Variants in PLEKHG4B observed in about 807,000 individuals in gnomAD.
The protein encoded by PLEKHG4B is pleckstrin homology and RhoGEF domain containing G4B, also known as pleckstrin homology domain-containing family G member 4B.
PLEKHG4B carries 111 observed loss-of-function variants against 121.3 expected under a neutral mutation model. The ratio of observed to expected loss-of-function variants is 0.92; its 90% confidence interval spans 0.78 to 1.07. The LOEUF (loss-of-function observed/expected upper bound fraction) is 1.07, where lower values mean the gene tolerates loss of function less well. Ranked by LOEUF, PLEKHG4B falls within the 50% of genes least tolerant of loss-of-function variation. The pLI is 0.00. For missense variants in PLEKHG4B, 1,831 were observed against 1,757.8 expected, an observed-to-expected ratio of 1.04 and a Z score of -0.74; for synonymous variants, 738 against 725.0, an observed-to-expected ratio of 1.02 and a Z score of -0.29.
At chr5:131,418 T>G (rs1455427077) in intron 2 of PLEKHG4B, among the ~76,000 whole-genome samples, 1 of 152,224 alleles carries the variant, frequency 6.6e-6, no homozygotes, top group Non-Finnish European at 1.5e-5. Context: ...GCTTCATCCA[T>G]ATCCCTGCAA....
rs35724214 is a variant in PLEKHG4B, at chr5:98,603, T to TTGTGTGTG, written c.45+6363_45+6370dup. 6.6e-3 allele frequency among the ~76,000 whole-genome samples: 737 copies of TTGTGTGTG among 111,576 alleles called. 12 individuals carry two copies. Among genetic ancestry groups the TTGTGTGTG allele is most frequent in the African/African-American group, 0.021 (541 of 25,926 alleles). 73.2% of individuals were successfully genotyped at this position (111,576 alleles called of 152,430 possible). A position where few individuals can be genotyped will look rare whatever the true frequency, so the allele number is the denominator to read the frequency against. On this transcript the variant is annotated intron_variant, in intron 1 of 19. Coordinates refer to ENST00000637938, the MANE Select transcript of PLEKHG4B (RefSeq NM_052909.5). ...GCATGTGCCACCATGCCTGGCTAAT[T>TTGTGTGTG]TGTGTGTGTGTGTGTGTGTGTGTGT...
At chr5:133,637 G>T (rs1034335065) in intron 2 of PLEKHG4B, among the ~76,000 whole-genome samples, 3 of 152,092 alleles carry the variant, frequency 2.0e-5, no homozygotes, top group African/African-American at 7.2e-5. Context: ...AATAATAGAT[G>T]TTGGCATGGA....
chr5:155,123 C>A, intron 8 of PLEKHG4B, 132 bp downstream of exon 8: 2 of 908,914 alleles, frequency 2.2e-6, no homozygotes, highest in Non-Finnish European at 3.5e-6. Flanking sequence ...CCGTTCAGGT[C>A]TTCGTGTCTA....
intron 1 of PLEKHG4B, among the ~76,000 whole-genome samples, chr5:112,800 G>A (rs1189128340): frequency 6.6e-6 from 1 of 152,204 alleles, no homozygotes; most frequent in Non-Finnish European, 1.5e-5. Context: ...CCCACAAGTG[G>A]TTGTCCCCTC....
At chr5:101,394 T>A (rs1354713258) in intron 1 of PLEKHG4B, among the ~76,000 whole-genome samples, 1 of 122,094 alleles carries the variant, frequency 8.2e-6, no homozygotes, top group Non-Finnish European at 1.6e-5. Flanking sequence ...TATAAAGCCC[T>A]GGAAAAAGCC....
At position 147,977 on chromosome 5, in the gene PLEKHG4B, C is replaced by T. The variant is rs374697867; in HGVS notation, c.1905+3057C>T. Among the ~76,000 whole-genome samples the T allele has an allele frequency of 6.1e-4, 93 of 152,092 alleles. No homozygotes were observed. In the East Asian group the frequency reaches 9.7e-3, roughly 16 times the overall value. On this transcript the variant is annotated intron_variant, in intron 6 of 19. Transcript: ENST00000637938. ...TGTAAACAGAATGAAGGGGGAAAAACACATGATCATCTCAATTGATGCCAA... is the reference window on the plus strand; with the variant it reads ...TGTAAACAGAATGAAGGGGGAAAAATACATGATCATCTCAATTGATGCCAA...
At chr5:160,847 C>T (rs1396397142) in intron 11 of PLEKHG4B, among the ~76,000 whole-genome samples, 1 of 152,232 alleles carries the variant, frequency 6.6e-6, no homozygotes, top group Non-Finnish European at 1.5e-5. Context: ...GCCGAAGCCG[C>T]ACCTGCCCCT....
At position 156,701 on chromosome 5, in the gene PLEKHG4B, A is replaced by T; in HGVS notation, c.2349-72A>T. 2.0e-6 allele frequency: 3 copies of T among 1,486,630 alleles called. No homozygotes were observed. Among genetic ancestry groups the T allele is most frequent in the Non-Finnish European group, 2.7e-6 (3 of 1,112,456 alleles). 92.1% of individuals were successfully genotyped at this position (1,486,630 alleles called of 1,614,324 possible). ...GGAATGGAAAGAGCAGGGTTTTTAT[A>T]TGGGGTTGTCACCAAGAGCAGATTC... On this transcript the variant is annotated intron_variant, in intron 10 of 19. Transcript: ENST00000637938. This position sits in a 1 kb window ranked among gnomAD's most constrained non-coding sequence, Gnocchi z 4.4.
chr5:170,653 C>T (rs943511938), intron 14 of PLEKHG4B, among the ~76,000 whole-genome samples: 1 of 152,094 alleles, frequency 6.6e-6, no homozygotes, highest in Non-Finnish European at 1.5e-5. Flanking sequence ...TCATATTGAC[C>T]GTGATTGTGG....
intron 1 of PLEKHG4B, among the ~76,000 whole-genome samples, chr5:112,176 G>A (rs1238309238): frequency 6.6e-6 from 1 of 152,186 alleles, no homozygotes; most frequent in Non-Finnish European, 1.5e-5. Flanking sequence ...GGCAGGGCCG[G>A]CAGGAGGCTC....
chr5:116,332 T>A (rs1266503796), intron 2 of PLEKHG4B, among the ~76,000 whole-genome samples: 3 of 152,160 alleles, frequency 2.0e-5, no homozygotes, highest in Non-Finnish European at 4.4e-5. Context: ...AATAGTAACA[T>A]CAAAGGACTC....
chr5:93,763 C>T (rs963529069), intron 1 of PLEKHG4B, among the ~76,000 whole-genome samples: 27 of 152,208 alleles, frequency 1.8e-4, no homozygotes, highest in African/African-American at 2.6e-4. Flanking sequence ...TCAAGCTGGC[C>T]GGTGGTCTCA....
chr5:179,644 C>T (rs6894246), intron 18 of PLEKHG4B: 64,218 of 152,542 alleles, frequency 0.42, 15,153 homozygotes, highest in Non-Finnish European at 0.55. Flanking sequence ...TATGCTCTGA[C>T]GGCCAAGCGT....
chr5:153,856 T>G (rs191747886), intron 7 of PLEKHG4B, among the ~76,000 whole-genome samples: 10 of 152,112 alleles, frequency 6.6e-5, no homozygotes, highest in African/African-American at 1.9e-4. Context: ...TCCACTAATT[T>G]TTGTATTTTG....
In PLEKHG4B at chr5:185,313, C is replaced by T. The variant is rs1278056580; in HGVS notation, c.*2990C>T. 1.3e-5 allele frequency: 2 copies of T among 152,236 alleles called. No individual in the cohort carries two copies. The highest frequency in any genetic ancestry group is 4.8e-5 in the African/African-American group (2 of 41,450). 9.4% of individuals were successfully genotyped at this position (152,236 alleles called of 1,614,324 possible). A position where few individuals can be genotyped will look rare whatever the true frequency, so the allele number is the denominator to read the frequency against. On this transcript the variant is annotated 3_prime_UTR_variant, in exon 20 of 20. Transcript: ENST00000637938. ...TGACCACATGAGTAACTTCACGGGT[C>T]TGTTCTATGTCCAGAGTTGTCAAAC...
Position 170,961 on chromosome 5 carries a change from C to T in PLEKHG4B, c.3730-82C>T, listed in dbSNP as rs1736523069. The T allele has an allele frequency of 3.4e-6, 4 of 1,183,208 alleles. No homozygotes were observed. The South Asian group carries it at 5.6e-5, about 17-fold the overall frequency. The allele number at this position is 1,183,208 out of a possible 1,614,324, so 73.3% of individuals were successfully genotyped here. A position where few individuals can be genotyped will look rare whatever the true frequency, so the allele number is the denominator to read the frequency against. On this transcript the variant is annotated intron_variant, in intron 14 of 19. Coordinates refer to ENST00000637938, the MANE Select transcript of PLEKHG4B (RefSeq NM_052909.5). ...GGGGGGTCTTGGGACGGGAGCAGTTCCAAGTCTGACCCGGGCTGCGGGAGC... is the reference window on the plus strand; with the variant it reads ...GGGGGGTCTTGGGACGGGAGCAGTTTCAAGTCTGACCCGGGCTGCGGGAGC...
intron 12 of PLEKHG4B, among the ~76,000 whole-genome samples, chr5:162,251 CTGCTCGCCTGCGAGCTCCCACGCGCCCCA>C (rs1003707773): frequency 1.4e-4 from 20 of 147,128 alleles, no homozygotes; most frequent in South Asian, 8.6e-4. Context: ...CTACAGCAGA[CTGCTCGCCTGCGAGCTCCCACGCGCCCCA>C]GACCGCACGC....
At position 157,044 on chromosome 5, in the gene PLEKHG4B, G is replaced by A; in HGVS notation, c.2487+133G>A. On this transcript the variant is annotated intron_variant, in intron 11 of 19. Transcript: ENST00000637938. The surrounding 1 kb of genome is among the most constrained non-coding windows in gnomAD (Gnocchi z 4.6). ...TCCATTTGGAATGAAATTATGTCAG[G>A]ATAGGGCATGCCTTGCTGCTTGTGT... 1.6e-6 allele frequency: 2 copies of A among 1,231,820 alleles called. No homozygotes were observed. Among genetic ancestry groups the A allele is most frequent in the Non-Finnish European group, 2.3e-6 (2 of 857,426 alleles). 76.3% of individuals were successfully genotyped at this position (1,231,820 alleles called of 1,614,324 possible).
intron 1 of PLEKHG4B, among the ~76,000 whole-genome samples, chr5:110,670 C>T (rs1026091441): frequency 9.9e-5 from 15 of 151,898 alleles, no homozygotes; most frequent in Non-Finnish European, 1.6e-4. Flanking sequence ...CACACGTGCA[C>T]GCACCCACAC....
Sources: gnomAD v4.1 joint callset for allele counts (sites outside exome capture counted in the v4.1 genomes callset) on GRCh38, gnomAD v4.1.1 for gene constraint, Gnocchi (gnomAD v3.1) non-coding constraint, MANE v1.5 for transcripts, NCBI Gene and HGNC (gene_info 2026-07-23, HGNC 2026-07-21) for gene names.